NEK10: variants seen among roughly 807,000 people sequenced by gnomAD.
NEK10 encodes NIMA related kinase 10.
Under a neutral mutation model 159.8 loss-of-function variants are expected in NEK10, and 122 were observed. That is an observed-to-expected ratio of 0.76 (90% CI 0.66 to 0.89). The LOEUF is 0.89. Among genes scored for constraint, NEK10 ranks in the 40% least tolerant of loss-of-function variants. The pLI is 0.00. For missense variants in NEK10, 1,342 were observed against 1,323.1 expected (o/e 1.01, Z -0.22); for synonymous variants, 466 against 457.1 (o/e 1.02, Z -0.25).
intron 22 of NEK10, among the ~76,000 whole-genome samples, chr3:27,263,493 T>C (rs186286418): frequency 6.6e-6 from 1 of 152,278 alleles, no homozygotes; most frequent in East Asian, 1.9e-4. Context: ...CTGCTTTGTT[T>C]ACCTACTCAA....
At chr3:27,312,417 A>G (rs2044772028) in intron 7 of NEK10, among the ~76,000 whole-genome samples, 2 of 152,054 alleles carry the variant, frequency 1.3e-5, no homozygotes. Context: ...GACTCTATAA[A>G]CTCTCAAAAG....
chr3:27,209,698 C>T (rs976609100), intron 23 of NEK10, among the ~76,000 whole-genome samples: 17 of 152,162 alleles, frequency 1.1e-4, no homozygotes, highest in African/African-American at 2.7e-4. Context: ...AGGTGGGCCA[C>T]GACTGGTTTC....
intron 8 of NEK10, 112 bp from the exon 9 acceptor site, chr3:27,311,128 A>C: frequency 1.6e-6 from 1 of 635,950 alleles, no homozygotes; most frequent in Non-Finnish European, 2.8e-6. Context: ...CAAAGGGAAC[A>C]CAGCACAAAA....
chr3:27,288,119 T>G (rs376188318), intron 19 of NEK10, among the ~76,000 whole-genome samples: 4 of 152,246 alleles, frequency 2.6e-5, no homozygotes, highest in Admixed American at 6.5e-5. Flanking sequence ...CGGTAACTTC[T>G]GTTGACTACA....
intron 20 of NEK10, 99 bp from the exon 21 acceptor site, chr3:27,285,060 G>A: frequency 1.2e-6 from 1 of 849,700 alleles, no homozygotes; most frequent in Non-Finnish European, 1.8e-6. Context: ...TGTCTGTGCG[G>A]GACACTAACA....
chr3:27,362,151 T>A (rs1034972308), intron 1 of NEK10, among the ~76,000 whole-genome samples: 1 of 152,130 alleles, frequency 6.6e-6, no homozygotes, highest in African/African-American at 2.4e-5. Flanking sequence ...TTGAAGAAGG[T>A]CCAGAAGGAT....
intron 26 of NEK10, among the ~76,000 whole-genome samples, chr3:27,182,452 G>A (rs1948216714): frequency 6.6e-6 from 1 of 152,050 alleles, no homozygotes; most frequent in Non-Finnish European, 1.5e-5. Flanking sequence ...ATAGAGTTCA[G>A]AAATAGACCT....
intron 3 of NEK10, among the ~76,000 whole-genome samples, chr3:27,347,651 C>CAT (rs1356936676): frequency 9.9e-5 from 15 of 151,618 alleles, no homozygotes; most frequent in Admixed American, 5.9e-4. Flanking sequence ...CCTTTTTTAT[C>CAT]ATATGCCAGC....
intron 30 of NEK10, among the ~76,000 whole-genome samples, chr3:27,143,182 T>C (rs976025665): frequency 3.9e-5 from 6 of 152,216 alleles, no homozygotes; most frequent in African/African-American, 1.4e-4. Context: ...AATGTAACTG[T>C]TCGTCTAGAC....
At chr3:27,311,287 T>G (rs1262140245) in intron 8 of NEK10, 1 of 274,032 alleles carries the variant, frequency 3.6e-6, no homozygotes, top group African/African-American at 2.2e-5. Context: ...TTGAAGTTCC[T>G]TAACATCATT....
intron 1 of NEK10, among the ~76,000 whole-genome samples, chr3:27,353,405 T>C (rs965385139): frequency 1.2e-4 from 18 of 152,150 alleles, no homozygotes; most frequent in African/African-American, 3.9e-4. Flanking sequence ...TGTCTTATAA[T>C]AGCATGCTTC....
At chr3:27,215,524 A>G in intron 23 of NEK10, 1 of 455,042 alleles carries the variant, frequency 2.2e-6, no homozygotes, top group Non-Finnish European at 3.9e-6. Flanking sequence ...GAATATCTTT[A>G]TATTTACTCA....
intron 9 of NEK10, 66 bp downstream of exon 9, chr3:27,310,883 G>A (rs1399090171): frequency 1.0e-6 from 1 of 1,000,004 alleles, no homozygotes; most frequent in East Asian, 2.4e-5. Flanking sequence ...CAAAGGCTCT[G>A]AACTTCCCTA....
intron 5 of NEK10, 45 bp from the exon 6 acceptor site, chr3:27,322,306 G>T: frequency 8.5e-7 from 1 of 1,176,044 alleles, no homozygotes; most frequent in Admixed American, 2.0e-5. Context: ...TAAAATCCCA[G>T]TGTGGCAATT....
At chr3:27,236,918 CTAA>C (rs1484015965) in intron 23 of NEK10, among the ~76,000 whole-genome samples, 2 of 152,154 alleles carry the variant, frequency 1.3e-5, no homozygotes, top group African/African-American at 4.8e-5. Context: ...TTTCCCCACT[CTAA>C]TAAGCCTCAG....
rs1951100672 is a variant in NEK10, at chr3:27,212,582, G to A, written c.2091-10025C>T. On this transcript the variant is annotated intron_variant, in intron 23 of 35. Transcript: ENST00000691995. Reference sequence around the variant, plus strand: ...AGAAAACACAGATTTGATGACATTTGAGGACCAAGGAATGTCCTTTACCCA... The same window carrying A: ...AGAAAACACAGATTTGATGACATTTAAGGACCAAGGAATGTCCTTTACCCA... Among the ~76,000 whole-genome samples, 4 of 152,248 alleles carry A rather than the reference G, an allele frequency of 2.6e-5. No homozygotes were observed. In the South Asian group the frequency reaches 8.3e-4, roughly 31 times the overall value.
chr3:27,163,359 C>CT (rs541857386), intron 29 of NEK10, among the ~76,000 whole-genome samples: 4,100 of 145,452 alleles, frequency 0.028, 109 homozygotes, highest in African/African-American at 0.066. Flanking sequence ...ACCAATTTTT[C>CT]TTTTTTTTTT....
At position 27,363,020 on chromosome 3, in the gene NEK10, T is replaced by C. The variant is rs571793526; in HGVS notation, c.-38+6205A>G. The stretch of plus-strand genomic sequence containing the variant: ...ATTTCTCCTGGGATAAAAAGAAAAT[T>C]TACCAAGGTCTGAGAGGTGCTGCGT... On this transcript the variant is annotated intron_variant, in intron 1 of 35. Transcript: ENST00000691995. 9.2e-5 allele frequency among the ~76,000 whole-genome samples: 14 copies of C among 152,276 alleles called. No homozygotes were observed. The East Asian group carries it at 2.1e-3, about 23-fold the overall frequency.
intron 6 of NEK10, 92 bp from the exon 7 acceptor site, chr3:27,314,430 T>G (rs922098367): frequency 2.6e-6 from 2 of 779,810 alleles, no homozygotes; most frequent in Non-Finnish European, 4.5e-6. Flanking sequence ...AGTTGTCATA[T>G]TTATAATTAT....
Sources: gnomAD v4.1 joint callset for allele counts (sites outside exome capture counted in the v4.1 genomes callset) on GRCh38, gnomAD v4.1.1 for gene constraint, MANE v1.5 for transcripts, NCBI Gene and HGNC (gene_info 2026-07-23, HGNC 2026-07-21) for gene names.